PHF20L1: variants seen among roughly 807,000 people sequenced by gnomAD.
The protein encoded by PHF20L1 is PHD finger protein 20-like protein 1.
A neutral mutation model predicts 125.5 loss-of-function variants in PHF20L1; 44 were observed. The ratio of observed to expected loss-of-function variants is 0.35; its 90% CI spans 0.28 to 0.45. The LOEUF is 0.45. PHF20L1 is among the 20% of genes least tolerant of loss of function. The pLI is 1.00. For synonymous variants in PHF20L1, 380 were observed against 403.1 expected (o/e 0.94, Z 0.69); for missense variants, 1,012 against 1,217.2 (o/e 0.83, Z 2.51).
At chr8:132,835,035 G>T (rs1837190966) in intron 15 of PHF20L1, among the ~76,000 whole-genome samples, 1 of 152,074 alleles carries the variant, frequency 6.6e-6, no homozygotes, top group Non-Finnish European at 1.5e-5. Flanking sequence ...AAAATGTAGA[G>T]TATAAATAGC....
At chr8:132,823,719 A>G (rs1835848906) in intron 12 of PHF20L1, among the ~76,000 whole-genome samples, 1 of 151,998 alleles carries the variant, frequency 6.6e-6, no homozygotes, top group South Asian at 2.1e-4. Context: ...AGAAGCACAG[A>G]GGCATTAAAT....
chr8:132,833,298 G>C (rs541475132), intron 15 of PHF20L1, among the ~76,000 whole-genome samples: 6 of 152,188 alleles, frequency 3.9e-5, no homozygotes, highest in African/African-American at 1.4e-4. Flanking sequence ...CCAGGTCTAA[G>C]TCCTCCCTGG....
Position 132,794,503 on chromosome 8 carries a change from C to T in PHF20L1, c.177C>T (p.Tyr59=), listed in dbSNP as rs746251894. The change falls in exon 3 of 21, where the codon TAC becomes TAT. Residue 59 remains tyrosine, a synonymous_variant. Transcript: ENST00000395386. ...GTCATCGTTATGATGAGTGGATTTA[C>T]TGGGATAGCAATAGATTGCGACCCC... is the stretch of plus-strand genomic sequence containing the variant. ...RWSHRYDEWI[Y]WDSNRLRPLE... is the part of the protein sequence containing the mutation. 3.1e-6 allele frequency: 5 copies of T among 1,609,980 alleles called. No individual in the cohort carries two copies. The highest frequency in any genetic ancestry group is 4.3e-6 in the Non-Finnish European group (5 of 1,176,458).
chr8:132,807,610 T>C, intron 8 of PHF20L1: 2 of 404,904 alleles, frequency 4.9e-6, no homozygotes, highest in Non-Finnish European at 9.7e-6. Context: ...AGATTGTGTT[T>C]TGGAATACCT....
intron 18 of PHF20L1, among the ~76,000 whole-genome samples, chr8:132,841,312 G>A (rs1052603451): frequency 6.6e-6 from 1 of 152,006 alleles, no homozygotes; most frequent in African/African-American, 2.4e-5. Context: ...ACTTGTTCAG[G>A]CTTCTCTATG....
chr8:132,813,054 T>G, intron 9 of PHF20L1: 1 of 956,882 alleles, frequency 1.0e-6, no homozygotes, highest in Non-Finnish European at 1.2e-6. Context: ...AATTTTTCCT[T>G]GTTTAGAAGT....
In PHF20L1 at chr8:132,846,737, C is replaced by T. The variant is rs1253321398; in HGVS notation, c.*814C>T. On this transcript the variant is annotated 3_prime_UTR_variant, in exon 21 of 21. Transcript: ENST00000395386. The stretch of plus-strand genomic sequence containing the variant: ...ACCAGTCCATCCAAAACCTATATAT[C>T]ACCTATACTATATATATCATATATA... The T allele has an allele frequency of 6.6e-6, 1 of 152,190 alleles. No individual in the cohort carries two copies. The highest frequency in any genetic ancestry group is 1.5e-5 in the Non-Finnish European group (1 of 67,910). 9.4% of individuals were successfully genotyped at this position (152,190 alleles called of 1,614,324 possible).
At position 132,777,796 on chromosome 8, in the gene PHF20L1, T is replaced by G; in HGVS notation, c.-33T>G. On this transcript the variant is annotated 5_prime_UTR_variant, in exon 2 of 21. Coordinates refer to ENST00000395386, the MANE Select transcript of PHF20L1 (RefSeq NM_016018.5). ...AACTTTTTTCTTTCTCTTGAGGTAG[T>G]GAAAAGAGAATACTGAAGAATAGGA... The G allele has an allele frequency of 7.0e-7, 1 of 1,436,300 alleles. No homozygotes were observed. Among genetic ancestry groups the G allele is most frequent in the Non-Finnish European group, 9.8e-7 (1 of 1,019,822 alleles). The allele number at this position is 1,436,300 out of a possible 1,614,324, so 89.0% of individuals were successfully genotyped here.
rs1383674750 is a variant in PHF20L1, at chr8:132,842,555, G to A, written c.2428G>A (p.Gly810Arg). 6.8e-6 allele frequency: 11 copies of A among 1,610,484 alleles called. No homozygotes were observed. The highest frequency in any genetic ancestry group is 9.3e-6 in the Non-Finnish European group (11 of 1,178,942). The change falls in exon 19 of 21, where the codon GGG becomes AGG. Residue 810 changes from glycine (G) to arginine (R), a missense_variant. This residue lies in a region of PHF20L1 where 277 missense variants were observed against 283.6 expected (regional missense o/e 0.98). Transcript: ENST00000395386. ...TGACCTTCATCTCTGGGCTTGTTCC[G>A]GGAAGCGAAAAGACCAAGATCAAAT... ...HPDLHLWACS[G>R]KRKDQDQIIA...
rs2131981618 is a variant in PHF20L1, at chr8:132,847,498, T to C, written c.*1575T>C. The C allele has an allele frequency of 6.5e-6, 1 of 152,704 alleles. No individual in the cohort carries two copies. The highest frequency in any genetic ancestry group is 3.4e-3 in the Middle Eastern group (1 of 294). 9.5% of individuals were successfully genotyped at this position (152,704 alleles called of 1,614,324 possible). On this transcript the variant is annotated 3_prime_UTR_variant, in exon 21 of 21. Coordinates refer to ENST00000395386, the MANE Select transcript of PHF20L1 (RefSeq NM_016018.5). ...TGATAAGAATACATGCCACTGTACA[T>C]TCAGATATTATTTAAATTTGCAAAC...
chr8:132,844,719 A>G (rs1183552372), intron 20 of PHF20L1, among the ~76,000 whole-genome samples: 3 of 152,146 alleles, frequency 2.0e-5, no homozygotes, highest in African/African-American at 7.2e-5. Flanking sequence ...TAAATTAACA[A>G]AAACTTCTAC....
intron 9 of PHF20L1, among the ~76,000 whole-genome samples, chr8:132,813,483 T>C (rs943730978): frequency 1.3e-5 from 2 of 151,918 alleles, no homozygotes; most frequent in African/African-American, 2.4e-5. Context: ...AACAGAATTA[T>C]TTATTTATTT....
intron 14 of PHF20L1, among the ~76,000 whole-genome samples, chr8:132,825,808 G>A (rs374827673): frequency 6.6e-5 from 10 of 152,152 alleles, no homozygotes; most frequent in African/African-American, 2.4e-4. Context: ...GAAATCAGAG[G>A]GATGCAGCCC....
intron 2 of PHF20L1, 114 bp downstream of exon 2, chr8:132,778,025 TC>T: frequency 1.5e-6 from 1 of 672,758 alleles, no homozygotes; most frequent in Non-Finnish European, 2.6e-6. Context: ...TATTCACATT[TC>T]GATTACACAT....
chr8:132,828,435 A>T (rs1016743739), intron 14 of PHF20L1, among the ~76,000 whole-genome samples: 4 of 152,040 alleles, frequency 2.6e-5, no homozygotes, highest in Admixed American at 2.6e-4. Context: ...TGAATTTTTA[A>T]CTCTAATCAC....
rs1475382271 is a variant in PHF20L1, at chr8:132,842,598, A to G, written c.2471A>G (p.Lys824Arg). The change falls in exon 19 of 21, where the codon AAA (lysine) becomes AGA (arginine). Residue 824 changes from lysine to arginine, a missense_variant. This residue lies in a region of PHF20L1 where 277 missense variants were observed against 283.6 expected (regional missense o/e 0.98). Coordinates refer to ENST00000395386, the MANE Select transcript of PHF20L1 (RefSeq NM_016018.5). ...DQDQIIAGVE[K>R]KIAQDTVNRE... is the part of the protein sequence containing the mutation. ...GATCAAATAATAGCTGGGGTGGAGA[A>G]AAAAATAGCTCAAGACACAGTTAAT... is the stretch of plus-strand genomic sequence containing the variant. 6.2e-7 allele frequency: 1 copy of G among 1,613,098 alleles called. No homozygotes were observed. Among genetic ancestry groups the G allele is most frequent in the Non-Finnish European group, 8.5e-7 (1 of 1,179,524 alleles).
At chr8:132,818,891 G>A (rs1835272377) in intron 12 of PHF20L1, 1 of 151,856 alleles carries the variant, frequency 6.6e-6, no homozygotes, top group South Asian at 2.1e-4. Context: ...AAATGTACAT[G>A]TGAAAATATT....
At chr8:132,843,316 T>A in intron 19 of PHF20L1, 1 of 983,692 alleles carries the variant, frequency 1.0e-6, no homozygotes, top group African/African-American at 1.7e-5. Context: ...CACTATTCAG[T>A]AAGGTGAATT....
At chr8:132,837,233 T>C (rs1837459482) in intron 16 of PHF20L1, among the ~76,000 whole-genome samples, 1 of 152,126 alleles carries the variant, frequency 6.6e-6, no homozygotes, top group Admixed American at 6.6e-5. Flanking sequence ...TTGGAGATGT[T>C]AGTTGAGAGC....
Sources: allele counts gnomAD v4.1 joint callset (sites outside exome capture counted in the v4.1 genomes callset), GRCh38; gene constraint gnomAD v4.1.1; regional missense constraint gnomAD v4.1.1; transcripts MANE v1.5; gene names NCBI Gene and HGNC (gene_info 2026-07-23, HGNC 2026-07-21).